The following TTC13 variants were observed in gnomAD, a reference collection of about 807,000 sequenced individuals.
The protein encoded by TTC13 is tetratricopeptide repeat domain 13.
Under a neutral mutation model 120.0 loss-of-function variants are expected in TTC13, and 62 were observed. The observed-to-expected ratio is 0.52, with a 90% CI of 0.42 to 0.64. TTC13 has a LOEUF of 0.64. Ranked by LOEUF, TTC13 falls within the 30% of genes least tolerant of loss-of-function variation. TTC13 has a pLI of 0.00. For synonymous variants in TTC13, 384 were observed against 393.5 expected (o/e 0.98, Z 0.28); for missense variants, 824 against 1,050.2 (o/e 0.78, Z 2.98).
chr1:230,969,112 C>T (rs980692606), intron 1 of TTC13, among the ~76,000 whole-genome samples: 2 of 151,480 alleles, frequency 1.3e-5, no homozygotes, highest in African/African-American at 4.9e-5. Context: ...AATACAAAAA[C>T]CTAGCCGGGT....
chr1:230,936,893 G>C (rs1558191726), intron 8 of TTC13, among the ~76,000 whole-genome samples: 2 of 151,988 alleles, frequency 1.3e-5, no homozygotes. Context: ...CTGTGTAACA[G>C]GGACACCCTC....
At chr1:230,943,229 T>C (rs1023391197) in intron 6 of TTC13, among the ~76,000 whole-genome samples, 2 of 152,160 alleles carry the variant, frequency 1.3e-5, no homozygotes, top group Non-Finnish European at 2.9e-5. Context: ...TTTTGTGTTA[T>C]ATTTTTTGTG....
chr1:230,924,735 T>C, intron 14 of TTC13, 106 bp downstream of exon 14: 1 of 1,320,438 alleles, frequency 7.6e-7, no homozygotes, highest in Middle Eastern at 2.2e-4. Flanking sequence ...TTGGAAGGCC[T>C]GGTGTTAGCA....
At chr1:230,939,318 G>A (rs750414517) in intron 8 of TTC13, 68 bp downstream of exon 8, 9 of 956,586 alleles carry the variant, frequency 9.4e-6, no homozygotes, top group Non-Finnish European at 1.4e-5. Flanking sequence ...TCAATCAAAC[G>A]AAATTCCTCC....
rs2103032473 is a variant in TTC13 at position 230,978,632 on chromosome 1, C to T, written c.199G>A (p.Ala67Thr). The change falls in exon 1 of 23, where the codon GCC (alanine) becomes ACC (threonine). Residue 67 changes from alanine to threonine, a missense_variant. Physicochemically the swap from Ala to Thr is moderately conservative, Grantham distance 58. Coordinates refer to ENST00000366661, the MANE Select transcript of TTC13 (RefSeq NM_024525.5). This position sits in a 1 kb window ranked among gnomAD's most constrained non-coding sequence, Gnocchi z 5.6. ...CTGCAGCCGCCGCCGCCCGCCGGGG[C>T]CTCCTGCTGCTGCCGGTGCTGCAGC... ...QELQHRQQQE[A>T]PAGGGGCSPQ... The T allele has an allele frequency of 2.7e-6, 4 of 1,470,066 alleles. No homozygotes were observed. The highest frequency in any genetic ancestry group is 2.4e-5 in the Admixed American group (1 of 41,560). 91.1% of individuals were successfully genotyped at this position (1,470,066 alleles called of 1,614,324 possible). A position where few individuals can be genotyped will look rare whatever the true frequency, so the allele number is the denominator to read the frequency against.
chr1:230,942,319 C>T lies in TTC13; in HGVS notation c.672+1487G>A, dbSNP rs891015465. 6.6e-6 allele frequency among the ~76,000 whole-genome samples: 1 copy of T among 152,154 alleles called. No homozygotes were observed. Among genetic ancestry groups the T allele is most frequent in the Admixed American group, 6.5e-5 (1 of 15,288 alleles). On this transcript the variant is annotated intron_variant, in intron 6 of 22. Transcript: ENST00000366661. This position sits in a 1 kb window ranked among gnomAD's most constrained non-coding sequence, Gnocchi z 4.0. The stretch of plus-strand genomic sequence containing the variant: ...TTAGCCACTAAACACCAACTAAATA[C>T]CAGCAAGTCTCATGCAGTGATAAAC...
intron 4 of TTC13, among the ~76,000 whole-genome samples, chr1:230,945,998 C>A (rs1006791436): frequency 2.4e-4 from 36 of 152,280 alleles, no homozygotes; most frequent in South Asian, 4.1e-4. Context: ...AAATAAAAAA[C>A]CAGACTCTTT....
In TTC13 at chr1:230,920,698, T is replaced by C. The variant is rs545223226; in HGVS notation, c.1899-104A>G. On this transcript the variant is annotated intron_variant, in intron 16 of 22. Transcript: ENST00000366661. The stretch of plus-strand genomic sequence containing the variant: ...TAAATAAATTGACCTCAATTTTGAG[T>C]AGCTAAACATTCAAAATGGTAGGCC... 22 of 629,068 alleles carry C rather than the reference T, an allele frequency of 3.5e-5. No homozygotes were observed. The Admixed American group carries it at 7.5e-4, about 21-fold the overall frequency. The allele number at this position is 629,068 out of a possible 1,614,324, so 39.0% of individuals were successfully genotyped here. A position where few individuals can be genotyped will look rare whatever the true frequency, so the allele number is the denominator to read the frequency against.
rs571559241 is a variant in TTC13, at chr1:230,960,704, C to G, written c.366+505G>C. ...ACTTGGACACGGAAAGAACAATCAG[C>G]TTCATAGAGTTAAGTGTGAACAAAA... On this transcript the variant is annotated intron_variant, in intron 2 of 22. Transcript: ENST00000366661. Among the ~76,000 whole-genome samples, 4 of 152,230 alleles carry G rather than the reference C, an allele frequency of 2.6e-5. No individual in the cohort carries two copies. In the South Asian group the frequency reaches 8.3e-4, roughly 32 times the overall value.
At chr1:230,964,857 G>A (rs1472952734) in intron 1 of TTC13, among the ~76,000 whole-genome samples, 2 of 152,138 alleles carry the variant, frequency 1.3e-5, no homozygotes, top group Non-Finnish European at 2.9e-5. Flanking sequence ...TTTGACAAAG[G>A]TGCCAAGAAT....
rs554019724 is a variant in TTC13 at position 230,952,161 on chromosome 1, G to A, written c.513+2172C>T. ...TCTCTAGCTGGAGTATAGAATCTTC[G>A]AATTTTCTATTCCTTATCAGTCATA... On this transcript the variant is annotated intron_variant, in intron 4 of 22. Coordinates refer to ENST00000366661, the MANE Select transcript of TTC13 (RefSeq NM_024525.5). 1.8e-4 allele frequency among the ~76,000 whole-genome samples: 27 copies of A among 152,104 alleles called. 1 individual carries two copies. The South Asian group carries it at 4.6e-3, about 26-fold the overall frequency.
chr1:230,975,439 G>C (rs1009407590), intron 1 of TTC13, among the ~76,000 whole-genome samples: 1 of 152,014 alleles, frequency 6.6e-6, no homozygotes, highest in Non-Finnish European at 1.5e-5. Context: ...ATTGCAGAGT[G>C]TTTATGACAA....
At position 230,978,708 on chromosome 1, in the gene TTC13, T is replaced by C. The variant is rs1678650095; in HGVS notation, c.123A>G (p.Pro41=). The part of the protein sequence containing the change: ...LLGVLSAGLR[P]GALATEHYSP... ...AGTAGTGCTCGGTGGCCAGGGCGCC[T>C]GGCCGCAGCCCGGCGGACAGGACCC... Residue 41 remains proline, a synonymous_variant, in exon 1 of 23, where the codon CCA becomes CCG. Transcript: ENST00000366661. This position sits in a 1 kb window ranked among gnomAD's most constrained non-coding sequence, Gnocchi z 5.6. 3 of 1,490,568 alleles carry C rather than the reference T, an allele frequency of 2.0e-6. No homozygotes were observed. The East Asian group carries it at 8.5e-5, about 42-fold the overall frequency. 92.3% of individuals were successfully genotyped at this position (1,490,568 alleles called of 1,614,324 possible).
At chr1:230,952,430 T>C (rs1464639283) in intron 4 of TTC13, among the ~76,000 whole-genome samples, 1 of 152,206 alleles carries the variant, frequency 6.6e-6, no homozygotes, top group Non-Finnish European at 1.5e-5. Flanking sequence ...TTCATTCTTC[T>C]GCATCTGAAC....
intron 17 of TTC13, among the ~76,000 whole-genome samples, chr1:230,918,020 C>T (rs1672210380): frequency 6.6e-6 from 1 of 152,160 alleles, no homozygotes; most frequent in Non-Finnish European, 1.5e-5. Flanking sequence ...GCCAAGATTA[C>T]TATATGTCCC....
intron 3 of TTC13, among the ~76,000 whole-genome samples, chr1:230,955,875 G>A (rs1035254102): frequency 1.3e-5 from 2 of 152,074 alleles, no homozygotes; most frequent in African/African-American, 4.8e-5. Context: ...CCAAATTCAT[G>A]CTCAGAATGC....
At chr1:230,915,911 A>C (rs374077009) in intron 18 of TTC13, among the ~76,000 whole-genome samples, 1 of 144,924 alleles carries the variant, frequency 6.9e-6, no homozygotes, top group Admixed American at 7.0e-5. Context: ...TCGCCCCCCC[A>C]AGGAACTTCA....
intron 4 of TTC13, among the ~76,000 whole-genome samples, chr1:230,952,205 A>G (rs1291205804): frequency 6.6e-6 from 1 of 152,162 alleles, no homozygotes; most frequent in Admixed American, 6.5e-5. Context: ...AGAAAATGTG[A>G]CAGATTTTCA....
chr1:230,962,204 C>CT (rs1188556420), intron 1 of TTC13, among the ~76,000 whole-genome samples: 1 of 131,926 alleles, frequency 7.6e-6, no homozygotes, highest in African/African-American at 3.1e-5. Context: ...GAGCAAAACT[C>CT]TGACTCAAAA....
Sources: gnomAD v4.1 joint callset for allele counts (sites outside exome capture counted in the v4.1 genomes callset) on GRCh38, gnomAD v4.1.1 for gene constraint, Gnocchi (gnomAD v3.1) non-coding constraint, MANE v1.5 for transcripts, NCBI Gene and HGNC (gene_info 2026-07-23, HGNC 2026-07-21) for gene names.